PDE4B: variants seen among roughly 807,000 people sequenced by gnomAD.
PDE4B encodes 3',5'-cyclic-AMP phosphodiesterase 4B.
Under a neutral mutation model 82.2 loss-of-function variants are expected in PDE4B, and 20 were observed. The ratio of observed to expected loss-of-function variants is 0.24; its 90% CI spans 0.17 to 0.35. The LOEUF is 0.35. Ranked by LOEUF, PDE4B falls within the 10% of genes least tolerant of loss-of-function variation. The pLI is 1.00. For missense variants in PDE4B, 655 were observed against 907.2 expected (o/e 0.72, Z 3.57); for synonymous variants, 320 against 318.9 (o/e 1.00, Z -0.04).
chr1:66,188,951 A>G (rs1405517286), intron 3 of PDE4B, among the ~76,000 whole-genome samples: 1 of 152,280 alleles, frequency 6.6e-6, no homozygotes, highest in East Asian at 1.9e-4. Context: ...ACAATTTGGC[A>G]TGTCTTTGCA....
intron 7 of PDE4B, among the ~76,000 whole-genome samples, chr1:66,306,528 T>C (rs563026355): frequency 1.3e-5 from 2 of 152,204 alleles, no homozygotes; most frequent in Non-Finnish European, 2.9e-5. Flanking sequence ...AATGGAGGAA[T>C]TGAAGATAAA....
intron 3 of PDE4B, among the ~76,000 whole-genome samples, chr1:66,236,687 A>G (rs2101646442): frequency 6.6e-6 from 1 of 152,256 alleles, no homozygotes; most frequent in South Asian, 2.1e-4. Flanking sequence ...GGAGAGAGTA[A>G]ATGTATGCAG....
chr1:66,311,147 C>T (rs938607868), intron 7 of PDE4B, among the ~76,000 whole-genome samples: 7 of 152,078 alleles, frequency 4.6e-5, no homozygotes, highest in African/African-American at 1.2e-4. Context: ...ACCAGTTATG[C>T]GGTGCAGCTG....
intron 3 of PDE4B, among the ~76,000 whole-genome samples, chr1:65,959,802 C>T (rs934159120): frequency 3.9e-5 from 6 of 152,156 alleles, no homozygotes; most frequent in Non-Finnish European, 5.9e-5. Flanking sequence ...AGGTTGAATT[C>T]GACGATTCAG....
chr1:66,341,326 A>C (rs1660965901), intron 8 of PDE4B, among the ~76,000 whole-genome samples: 1 of 152,244 alleles, frequency 6.6e-6, no homozygotes, highest in Non-Finnish European at 1.5e-5. Context: ...CATCTTCAGC[A>C]AAAGGCTAGA....
chr1:66,200,453 C>T (rs1415161535), intron 3 of PDE4B, among the ~76,000 whole-genome samples: 17 of 152,272 alleles, frequency 1.1e-4, no homozygotes, highest in East Asian at 3.9e-4. Context: ...GCCATTTTCA[C>T]GATATTGATT....
chr1:66,297,872 C>T (rs1423103769), intron 7 of PDE4B, among the ~76,000 whole-genome samples: 1 of 152,018 alleles, frequency 6.6e-6, no homozygotes, highest in Non-Finnish European at 1.5e-5. Flanking sequence ...TTAAATGATC[C>T]AATTTATTAG....
chr1:66,351,758 T>A (rs1431707107), intron 8 of PDE4B, among the ~76,000 whole-genome samples: 1 of 152,200 alleles, frequency 6.6e-6, no homozygotes, highest in Non-Finnish European at 1.5e-5. Context: ...AAGATTTGTC[T>A]ACTACATTGT....
At chr1:66,089,836 G>T (rs1423762958) in intron 3 of PDE4B, among the ~76,000 whole-genome samples, 1 of 151,956 alleles carries the variant, frequency 6.6e-6, no homozygotes, top group Non-Finnish European at 1.5e-5. Context: ...CAAAACTTCT[G>T]TCATTATGCT....
At chr1:65,933,886 A>G (rs528801938) in intron 3 of PDE4B, among the ~76,000 whole-genome samples, 47 of 152,328 alleles carry the variant, frequency 3.1e-4, no homozygotes, top group Non-Finnish European at 6.0e-4. Context: ...AAGACAAAAG[A>G]TATTGAAAAT....
At chr1:66,200,783 C>A (rs565314812) in intron 3 of PDE4B, among the ~76,000 whole-genome samples, 1 of 152,296 alleles carries the variant, frequency 6.6e-6, no homozygotes, top group East Asian at 1.9e-4. Context: ...ACAATCATGT[C>A]ATCTGCAAAC....
At chr1:66,237,797 C>T (rs183068224) in intron 3 of PDE4B, among the ~76,000 whole-genome samples, 69 of 152,268 alleles carry the variant, frequency 4.5e-4, no homozygotes, top group African/African-American at 1.5e-3. Flanking sequence ...GTGTTTAATG[C>T]GCTCACACAG....
chr1:66,329,540 G>A (rs1659964072), intron 7 of PDE4B, among the ~76,000 whole-genome samples: 1 of 151,944 alleles, frequency 6.6e-6, no homozygotes, highest in South Asian at 2.1e-4. Context: ...ATCCCTTATT[G>A]AATGTGCAAT....
At chr1:66,120,641 A>C (rs531051433) in intron 3 of PDE4B, among the ~76,000 whole-genome samples, 11 of 152,172 alleles carry the variant, frequency 7.2e-5, no homozygotes, top group Non-Finnish European at 1.5e-4. Flanking sequence ...CTGACATAGC[A>C]GGCCAGGATT....
chr1:66,114,228 G>A (rs541229458), intron 3 of PDE4B, among the ~76,000 whole-genome samples: 8 of 152,196 alleles, frequency 5.3e-5, no homozygotes, highest in Admixed American at 1.3e-4. Flanking sequence ...CCTTGATCTC[G>A]GACTTCACAA....
intron 3 of PDE4B, among the ~76,000 whole-genome samples, chr1:66,113,264 C>A (rs1645525390): frequency 6.6e-6 from 1 of 152,184 alleles, no homozygotes; most frequent in Non-Finnish European, 1.5e-5. Flanking sequence ...GATCAATTTA[C>A]AATTATAATT....
At chr1:66,272,609 A>G (rs983721834) in intron 7 of PDE4B, among the ~76,000 whole-genome samples, 2 of 124,692 alleles carry the variant, frequency 1.6e-5, no homozygotes, top group South Asian at 2.5e-4. Context: ...ACCACAGCCA[A>G]CTCCTTTAGT....
intron 1 of PDE4B, among the ~76,000 whole-genome samples, chr1:65,798,843 T>TCATA (rs1486586335): frequency 2.0e-5 from 3 of 152,224 alleles, no homozygotes; most frequent in African/African-American, 7.2e-5. Context: ...AAATGTCAAA[T>TCATA]CATACCCTGT....
chr1:66,361,365 G>A (rs1411025495), intron 9 of PDE4B, among the ~76,000 whole-genome samples: 1 of 152,080 alleles, frequency 6.6e-6, no homozygotes, highest in African/African-American at 2.4e-5. Flanking sequence ...TTCTGGACAA[G>A]TTACTTCGTT....
Sources: allele counts gnomAD v4.1 joint callset (sites outside exome capture counted in the v4.1 genomes callset), GRCh38; gene constraint gnomAD v4.1.1; transcripts MANE v1.5; gene names NCBI Gene and HGNC (gene_info 2026-07-23, HGNC 2026-07-21).